TENM3: variants seen among roughly 807,000 people sequenced by gnomAD.
TENM3 encodes the protein teneurin transmembrane protein 3.
TENM3 carries 63 observed loss-of-function variants against 255.1 expected under a neutral mutation model. That is an observed-to-expected ratio of 0.25 (90% CI 0.20 to 0.30). TENM3 has a LOEUF of 0.30. TENM3 is among the 10% of genes least tolerant of loss of function. The pLI, the probability that TENM3 is intolerant of heterozygous loss-of-function variation, is 1.00. For missense variants in TENM3, 2,929 were observed against 3,461.1 expected, an observed-to-expected ratio of 0.85 and a Z score of 3.86; for synonymous variants, 1,306 against 1,322.3, an observed-to-expected ratio of 0.99 and a Z score of 0.27.
At chr4:181,973,590 G>A in the TENM3 span, among the ~76,000 whole-genome samples, 1 of 151,602 alleles carries the variant, frequency 6.6e-6, no homozygotes, top group Non-Finnish European at 1.5e-5. Context: ...GTCTCTACAA[G>A]AAAAAAAATA....
chr4:181,755,225 A>G, the TENM3 span, among the ~76,000 whole-genome samples: 25 of 152,258 alleles, frequency 1.6e-4, no homozygotes, highest in Non-Finnish European at 2.4e-4. Context: ...CTTGTATCCA[A>G]TTGTTCACCA....
At chr4:181,977,827 C>T in the TENM3 span, among the ~76,000 whole-genome samples, 2 of 152,172 alleles carry the variant, frequency 1.3e-5, no homozygotes, top group African/African-American at 4.8e-5. Context: ...CCATGAAGAT[C>T]TGTTTAAAGT....
chr4:182,531,042 G>A (rs989964446), intron 3 of TENM3, among the ~76,000 whole-genome samples: 1 of 113,354 alleles, frequency 8.8e-6, no homozygotes, highest in African/African-American at 3.3e-5. Context: ...AGTGTAGATG[G>A]AGGAGAAAAG....
In TENM3 at chr4:182,370,982, C is replaced by T. The variant is rs118053098; in HGVS notation, c.511+24053C>T. Among the ~76,000 whole-genome samples, 76 of 151,632 alleles carry T rather than the reference C, an allele frequency of 5.0e-4. 1 individual carries two copies. In the East Asian group the frequency reaches 0.013, roughly 27 times the overall value. ...TTGTGTTTAATTAAATTTTTTTTTC[C>T]TGCTTTTGTCCTAAGTTCTTAATAT... On this transcript the variant is annotated intron_variant, in intron 3 of 27. Transcript: ENST00000511685.
intron 3 of TENM3, among the ~76,000 whole-genome samples, chr4:182,412,992 G>C (rs1399598022): frequency 6.6e-6 from 1 of 151,642 alleles, no homozygotes; most frequent in Non-Finnish European, 1.5e-5. Flanking sequence ...ATAAACTCTA[G>C]GTTCAACATA....
chr4:182,029,442 A>G, the TENM3 span, among the ~76,000 whole-genome samples: 1 of 152,150 alleles, frequency 6.6e-6, no homozygotes, highest in Non-Finnish European at 1.5e-5. Flanking sequence ...TGAAGTCTCC[A>G]GCTATTATTG....
At position 182,604,714 on chromosome 4, in the gene TENM3, C is replaced by T. The variant is rs556918985; in HGVS notation, c.749+3553C>T. ...CCTATTAGATGTTAACAAAACGGTT[C>T]ATTTGTAGCCATTTAATAAAAGATT... On this transcript the variant is annotated intron_variant, in intron 4 of 27. Transcript: ENST00000511685. Among the ~76,000 whole-genome samples, 13 of 152,216 alleles carry T rather than the reference C, an allele frequency of 8.5e-5. No homozygotes were observed. In the South Asian group the frequency reaches 2.1e-3, roughly 24 times the overall value.
chr4:181,465,335 T>TA, the TENM3 span, among the ~76,000 whole-genome samples: 1 of 87,384 alleles, frequency 1.1e-5, no homozygotes, highest in East Asian at 3.5e-4. Context: ...AAGATATATA[T>TA]TTTTTTCTCT....
At chr4:181,566,110 T>A in the TENM3 span, among the ~76,000 whole-genome samples, 2 of 142,182 alleles carry the variant, frequency 1.4e-5, no homozygotes, top group Non-Finnish European at 3.1e-5. Flanking sequence ...GAAAAAAAAA[T>A]GTTTTGTATT....
chr4:181,654,642 T>C, the TENM3 span, among the ~76,000 whole-genome samples: 1 of 150,986 alleles, frequency 6.6e-6, no homozygotes, highest in Non-Finnish European at 1.5e-5. Context: ...TAATCCCAGC[T>C]ACTCGGGAGG....
At chr4:182,417,140 AT>A (rs777171102) in intron 3 of TENM3, among the ~76,000 whole-genome samples, 1 of 150,380 alleles carries the variant, frequency 6.6e-6, no homozygotes, top group Admixed American at 6.6e-5. Context: ...CGCCCAGCTA[AT>A]TTTTTTTTGT....
the TENM3 span, among the ~76,000 whole-genome samples, chr4:181,637,657 A>T: frequency 1.3e-5 from 2 of 152,152 alleles, no homozygotes; most frequent in Non-Finnish European, 2.9e-5. Flanking sequence ...CTCCTCCTAC[A>T]ATCACAGTAG....
chr4:181,450,562 A>G, the TENM3 span, among the ~76,000 whole-genome samples: 1 of 152,200 alleles, frequency 6.6e-6, no homozygotes, highest in Admixed American at 6.5e-5. Flanking sequence ...GCCATTCGGT[A>G]TCATTTTACT....
the TENM3 span, among the ~76,000 whole-genome samples, chr4:181,529,551 A>G: frequency 6.6e-6 from 1 of 152,198 alleles, no homozygotes; most frequent in Non-Finnish European, 1.5e-5. Flanking sequence ...AACTACAATC[A>G]CGTGGGGTGG....
the TENM3 span, among the ~76,000 whole-genome samples, chr4:181,922,932 G>C: frequency 6.6e-6 from 1 of 152,170 alleles, no homozygotes; most frequent in South Asian, 2.1e-4. Context: ...CTGGTATGTT[G>C]TGTCTTTGTT....
chr4:182,163,096 G>C (rs761910770), intron 1 of TENM3, among the ~76,000 whole-genome samples: 6 of 152,098 alleles, frequency 3.9e-5, no homozygotes, highest in Non-Finnish European at 7.4e-5. Context: ...GTACTAATCA[G>C]TCATTACGTC....
the TENM3 span, among the ~76,000 whole-genome samples, chr4:181,914,658 C>T: frequency 1.3e-5 from 2 of 151,958 alleles, no homozygotes; most frequent in African/African-American, 4.8e-5. Flanking sequence ...TGTTTGAAGG[C>T]AGAACAGAAG....
the TENM3 span, among the ~76,000 whole-genome samples, chr4:181,639,646 C>T: frequency 6.6e-6 from 1 of 152,106 alleles, no homozygotes; most frequent in African/African-American, 2.4e-5. Context: ...AGGCTGAGGC[C>T]GGAGAATCGC....
At chr4:181,920,836 AG>A in the TENM3 span, among the ~76,000 whole-genome samples, 6 of 152,102 alleles carry the variant, frequency 3.9e-5, 1 homozygote, top group Admixed American at 1.3e-4. Flanking sequence ...GGTAATGCCT[AG>A]GTTTTCTTCT....
Sources: allele counts gnomAD v4.1 joint callset (sites outside exome capture counted in the v4.1 genomes callset), GRCh38; gene constraint gnomAD v4.1.1; transcripts MANE v1.5; gene names NCBI Gene and HGNC (gene_info 2026-07-23, HGNC 2026-07-21).